The following PDE12 variants were observed in gnomAD, a reference collection of about 807,000 sequenced individuals.
PDE12 encodes phosphodiesterase 12, also known as 2',5'-phosphodiesterase 12.
A neutral mutation model predicts 45.4 loss-of-function variants in PDE12; 26 were observed. That is an observed-to-expected ratio of 0.57 (90% CI 0.42 to 0.79). The LOEUF (loss-of-function observed/expected upper bound fraction) is 0.79. PDE12 is among the 30% of genes least tolerant of loss of function. PDE12 has a pLI of 0.00. For missense variants in PDE12, 668 were observed against 790.0 expected (o/e 0.85, Z 1.85); for synonymous variants, 283 against 323.9 (o/e 0.87, Z 1.36).
the PDE12 span, chr3:57,584,410 T>A: frequency 1.9e-6 from 3 of 1,613,220 alleles, no homozygotes; most frequent in Non-Finnish European, 2.5e-6. Context: ...GGTGACTATC[T>A]CCCCTAACTT....
chr3:57,591,698 C>A, the PDE12 span, among the ~76,000 whole-genome samples: 1 of 152,130 alleles, frequency 6.6e-6, no homozygotes. Context: ...AACTCCTGAC[C>A]TCGTGATCTG....
the PDE12 span, chr3:57,619,716 G>C: frequency 6.6e-6 from 1 of 152,188 alleles, no homozygotes; most frequent in African/African-American, 2.4e-5. Context: ...GCTGGGCGTG[G>C]TGGTGGGCCT....
the PDE12 span, among the ~76,000 whole-genome samples, chr3:57,590,244 T>C: frequency 6.6e-6 from 1 of 152,048 alleles, no homozygotes; most frequent in African/African-American, 2.4e-5. Flanking sequence ...CCCAGCACTT[T>C]GGGAGGCTGA....
At chr3:57,633,469 T>C in the PDE12 span, 1 of 842,026 alleles carries the variant, frequency 1.2e-6, no homozygotes, top group African/African-American at 1.7e-5. Context: ...TTTAAAAAAC[T>C]AGAACTTCAC....
At chr3:57,609,806 C>G in the PDE12 span, among the ~76,000 whole-genome samples, 3 of 152,118 alleles carry the variant, frequency 2.0e-5, no homozygotes, top group African/African-American at 7.2e-5. Context: ...ACCAGAGGTA[C>G]AGGGAGGAGC....
the PDE12 span, among the ~76,000 whole-genome samples, chr3:57,575,343 C>T: frequency 1.3e-5 from 2 of 150,458 alleles, no homozygotes; most frequent in African/African-American, 2.4e-5. Context: ...TATCAATAAT[C>T]TTTAGACCTA....
At chr3:57,596,978 A>C in the PDE12 span, 1 of 1,362,330 alleles carries the variant, frequency 7.3e-7, no homozygotes, top group Non-Finnish European at 1.0e-6. Flanking sequence ...CTCCCCCACC[A>C]CAGCGGGCGG....
the PDE12 span, chr3:57,634,620 C>A: frequency 6.7e-7 from 1 of 1,484,106 alleles, no homozygotes; most frequent in Non-Finnish European, 9.0e-7. Flanking sequence ...GAAGTATAAA[C>A]TCCTAAGAGC....
At chr3:57,577,203 G>GC in the PDE12 span, 26 of 828,294 alleles carry the variant, frequency 3.1e-5, no homozygotes, top group South Asian at 4.9e-5. Context: ...TTTATTTCTA[G>GC]CCCCCCCAAT....
the PDE12 span, chr3:57,600,230 G>GC: frequency 2.0e-5 from 3 of 152,200 alleles, no homozygotes; most frequent in African/African-American, 7.2e-5. Context: ...TTGCTATGTT[G>GC]CCAAGGCTGG....
the PDE12 span, among the ~76,000 whole-genome samples, chr3:57,651,942 C>T: frequency 6.6e-6 from 1 of 152,110 alleles, no homozygotes; most frequent in Admixed American, 6.5e-5. Flanking sequence ...TGCATGGTGG[C>T]TCACTCCTGT....
At chr3:57,621,225 AAATAAT>A in the PDE12 span, among the ~76,000 whole-genome samples, 10 of 152,316 alleles carry the variant, frequency 6.6e-5, no homozygotes, top group African/African-American at 1.9e-4. Context: ...TGATTTTTGG[AAATAAT>A]AATAATAACC....
the PDE12 span, among the ~76,000 whole-genome samples, chr3:57,602,648 G>A: frequency 6.6e-6 from 1 of 152,144 alleles, no homozygotes; most frequent in East Asian, 2.0e-4. Flanking sequence ...TTGGCTCACT[G>A]CACCCTCCGT....
At chr3:57,558,782 G>T (rs150295300) in intron 1 of PDE12, among the ~76,000 whole-genome samples, 143 of 151,762 alleles carry the variant, frequency 9.4e-4, no homozygotes, top group African/African-American at 3.3e-3. Context: ...GAGCCACCAC[G>T]CCCGGCCTAT....
chr3:57,566,285 G>T lies in PDE12; in HGVS notation c.*6281G>T, dbSNP rs982980678. The T allele has an allele frequency of 6.6e-6, 1 of 152,146 alleles. No homozygotes were observed. The highest frequency in any genetic ancestry group is 2.4e-5 in the African/African-American group (1 of 41,444). 9.4% of individuals were successfully genotyped at this position (152,146 alleles called of 1,614,324 possible). On this transcript the variant is annotated 3_prime_UTR_variant, in exon 3 of 3. Transcript: ENST00000311180. ...GTGACTGGCTTCTTTTACTTAGGAT[G>T]TTTTTAAGGTTCTTACTGTTGTAGG...
the PDE12 span, among the ~76,000 whole-genome samples, chr3:57,639,505 G>A: frequency 2.0e-5 from 3 of 152,044 alleles, no homozygotes; most frequent in African/African-American, 7.2e-5. Context: ...AAATTAGTAG[G>A]CCCAAACCAT....
the PDE12 span, chr3:57,597,538 A>T: frequency 0.75 from 123,451 of 163,520 alleles, 48,835 homozygotes; most frequent in East Asian, 1. Flanking sequence ...TTCGCTGACG[A>T]GCATCTCTCG....
chr3:57,596,400 T>C, the PDE12 span, among the ~76,000 whole-genome samples: 2 of 152,202 alleles, frequency 1.3e-5, no homozygotes, highest in East Asian at 3.8e-4. Context: ...TTAAAGTTTT[T>C]GAAAATAGTC....
the PDE12 span, among the ~76,000 whole-genome samples, chr3:57,654,111 C>G: frequency 6.7e-6 from 1 of 148,832 alleles, no homozygotes; most frequent in Non-Finnish European, 1.5e-5. Context: ...CCACGCCCGG[C>G]TAATTTTTTT....
Sources: allele counts gnomAD v4.1 joint callset (sites outside exome capture counted in the v4.1 genomes callset), GRCh38; gene constraint gnomAD v4.1.1; transcripts MANE v1.5; gene names NCBI Gene and HGNC (gene_info 2026-07-23, HGNC 2026-07-21).